AOPEP: variants seen among roughly 807,000 people sequenced by gnomAD.
AOPEP encodes the protein aminopeptidase O (putative).
A neutral mutation model predicts 98.1 loss-of-function variants in AOPEP; 77 were observed. The ratio of observed to expected loss-of-function variants is 0.78; its 90% CI spans 0.65 to 0.95. The LOEUF is 0.95. AOPEP is among the 40% of genes least tolerant of loss of function. The pLI, the probability that AOPEP is intolerant of heterozygous loss-of-function variation, is 0.00. For missense variants in AOPEP, 1,024 were observed against 1,024.7 expected, an observed-to-expected ratio of 1.00 and a Z score of 0.01; for synonymous variants, 346 against 365.3, an observed-to-expected ratio of 0.95 and a Z score of 0.60.
chr9:94,914,727 C>G (rs2052564854), intron 5 of AOPEP, among the ~76,000 whole-genome samples: 1 of 152,092 alleles, frequency 6.6e-6, no homozygotes, highest in African/African-American at 2.4e-5. Flanking sequence ...GCTGTGCAGC[C>G]ACCACAGTGC....
At chr9:95,053,354 C>A (rs537322207) in intron 13 of AOPEP, among the ~76,000 whole-genome samples, 1 of 152,322 alleles carries the variant, frequency 6.6e-6, no homozygotes, top group South Asian at 2.1e-4. Context: ...CCATAGTTTA[C>A]ATTTTATTCT....
intron 5 of AOPEP, among the ~76,000 whole-genome samples, chr9:94,871,310 A>T (rs2046323658): frequency 6.6e-6 from 1 of 152,194 alleles, no homozygotes; most frequent in Non-Finnish European, 1.5e-5. Context: ...TCTTTTATTT[A>T]TCATCTACCC....
At chr9:94,914,039 C>T (rs1564370842) in intron 5 of AOPEP, among the ~76,000 whole-genome samples, 1 of 152,166 alleles carries the variant, frequency 6.6e-6, no homozygotes, top group Non-Finnish European at 1.5e-5. Context: ...AGGAATTCTT[C>T]ATAAGAAAAA....
intron 5 of AOPEP, among the ~76,000 whole-genome samples, chr9:94,902,745 A>C (rs1481988955): frequency 6.6e-6 from 1 of 151,816 alleles, no homozygotes. Context: ...AAGAAAATTT[A>C]AAGCTCTTTT....
rs201121277 is a variant in AOPEP, at chr9:95,083,389, GCA to G, written c.*4+677_*4+678del. ...ACACAGAGCACACGCGGCACACACA[GCA>G]CACACAGCGCACGCACCACGCAGAG... On this transcript the variant is annotated intron_variant, in intron 16 of 16. Transcript: ENST00000375315. Among the ~76,000 whole-genome samples, 530 of 138,152 alleles carry G rather than the reference GCA, an allele frequency of 3.8e-3. 14 individuals are homozygous for G. In the East Asian group the frequency reaches 0.054, roughly 14 times the overall value. The allele number at this position is 138,152 out of a possible 152,430, so 90.6% of individuals were successfully genotyped here. A position where few individuals can be genotyped will look rare whatever the true frequency, so the allele number is the denominator to read the frequency against.
chr9:95,111,071 C>T, the AOPEP span: 10 of 1,492,938 alleles, frequency 6.7e-6, no homozygotes, highest in African/African-American at 4.2e-5. Context: ...TGCTGGGGAG[C>T]GAGACAGGGC....
At chr9:94,734,099 CCT>C (rs1366845765) in intron 1 of AOPEP, among the ~76,000 whole-genome samples, 3 of 152,038 alleles carry the variant, frequency 2.0e-5, no homozygotes, top group Non-Finnish European at 4.4e-5. Context: ...CCTTGGCAAT[CCT>C]CTGAGTTTAT....
chr9:94,863,101 T>C (rs540350513), intron 5 of AOPEP, among the ~76,000 whole-genome samples: 7 of 152,208 alleles, frequency 4.6e-5, no homozygotes, highest in African/African-American at 1.4e-4. Flanking sequence ...GTTTCCTTCT[T>C]TCCCCATATG....
At chr9:94,951,716 G>C (rs1016257896) in intron 7 of AOPEP, among the ~76,000 whole-genome samples, 4 of 152,228 alleles carry the variant, frequency 2.6e-5, no homozygotes, top group Admixed American at 6.5e-5. Flanking sequence ...GGCATCCCCA[G>C]GCTGGCCAGG....
chr9:95,087,645 C>A (rs6479598), downstream of AOPEP, among the ~76,000 whole-genome samples: 1 of 151,884 alleles, frequency 6.6e-6, no homozygotes, highest in South Asian at 2.1e-4. Context: ...CGTGGGGCAC[C>A]CTCTTCCGAT....
At chr9:94,951,793 G>A (rs2058113945) in intron 7 of AOPEP, among the ~76,000 whole-genome samples, 1 of 152,198 alleles carries the variant, frequency 6.6e-6, no homozygotes, top group East Asian at 1.9e-4. Flanking sequence ...CAGAATCCTG[G>A]TTTGCTGCCT....
At chr9:94,925,509 A>C (rs2054187039) in intron 6 of AOPEP, among the ~76,000 whole-genome samples, 1 of 152,084 alleles carries the variant, frequency 6.6e-6, no homozygotes, top group Non-Finnish European at 1.5e-5. Flanking sequence ...ATTCAACACT[A>C]CCCTCCTACA....
intron 13 of AOPEP, among the ~76,000 whole-genome samples, chr9:95,008,804 C>T (rs1000964107): frequency 6.6e-6 from 1 of 152,174 alleles, no homozygotes; most frequent in Non-Finnish European, 1.5e-5. Flanking sequence ...ATCATTCTGT[C>T]TCATGCGTCT....
chr9:94,774,595 CA>C (rs1564109862), intron 3 of AOPEP, among the ~76,000 whole-genome samples: 1 of 151,932 alleles, frequency 6.6e-6, no homozygotes, highest in Non-Finnish European at 1.5e-5. Context: ...AACATTGGCA[CA>C]ATATTTTTTA....
intron 5 of AOPEP, among the ~76,000 whole-genome samples, chr9:94,864,868 G>A (rs1223812059): frequency 2.0e-5 from 3 of 152,124 alleles, no homozygotes; most frequent in Non-Finnish European, 4.4e-5. Flanking sequence ...TAAAATGTGA[G>A]TAAAACAAAG....
the AOPEP span, among the ~76,000 whole-genome samples, chr9:95,126,019 T>C: frequency 6.6e-6 from 1 of 152,250 alleles, no homozygotes; most frequent in Non-Finnish European, 1.5e-5. Flanking sequence ...GTAAATCTAA[T>C]GCATTTCCCA....
At chr9:94,742,269 T>A (rs896886922) in intron 1 of AOPEP, among the ~76,000 whole-genome samples, 6 of 152,142 alleles carry the variant, frequency 3.9e-5, no homozygotes, top group African/African-American at 1.4e-4. Context: ...AAACTTTTGG[T>A]GTGTGTTGAG....
the AOPEP span, among the ~76,000 whole-genome samples, chr9:95,094,634 C>T: frequency 6.6e-6 from 1 of 152,170 alleles, no homozygotes; most frequent in Non-Finnish European, 1.5e-5. Context: ...TTCCAGGTTC[C>T]TCCATACTGT....
At chr9:94,877,267 T>C (rs989175910) in intron 5 of AOPEP, among the ~76,000 whole-genome samples, 2 of 152,114 alleles carry the variant, frequency 1.3e-5, no homozygotes, top group Non-Finnish European at 1.5e-5. Context: ...CTAGTTGCAT[T>C]TGTGCAAGGG....
Sources: gnomAD v4.1 joint callset for allele counts (sites outside exome capture counted in the v4.1 genomes callset) on GRCh38, gnomAD v4.1.1 for gene constraint, MANE v1.5 for transcripts, NCBI Gene and HGNC (gene_info 2026-07-23, HGNC 2026-07-21) for gene names.